The following CDH18 variants were observed in gnomAD, a reference collection of about 807,000 sequenced individuals.
CDH18 encodes the protein cadherin-18.
Under a neutral mutation model 67.9 loss-of-function variants are expected in CDH18, and 31 were observed. The observed-to-expected ratio is 0.46, with a 90% CI of 0.34 to 0.62. The LOEUF (loss-of-function observed/expected upper bound fraction) is 0.62. CDH18 is among the 20% of genes least tolerant of loss of function. The pLI, the probability that CDH18 is intolerant of heterozygous loss-of-function variation, is 0.01. For missense variants in CDH18, 890 were observed against 975.5 expected (o/e 0.91, Z 1.17); for synonymous variants, 362 against 347.2 (o/e 1.04, Z -0.48).
intron 3 of CDH18, among the ~76,000 whole-genome samples, chr5:19,792,697 G>A (rs1316906466): frequency 6.6e-6 from 1 of 152,038 alleles, no homozygotes; most frequent in East Asian, 1.9e-4. Context: ...AAAGCAATCT[G>A]ACCCACTAAT....
intron 7 of CDH18, among the ~76,000 whole-genome samples, chr5:19,587,500 TC>T (rs540126748): frequency 3.2e-4 from 48 of 152,174 alleles, no homozygotes; most frequent in South Asian, 4.1e-4. Flanking sequence ...GTTTCAATTT[TC>T]TGCATATGGT....
chr5:20,486,453 G>A (rs1753185298), intron 1 of CDH18, among the ~76,000 whole-genome samples: 1 of 151,758 alleles, frequency 6.6e-6, no homozygotes, highest in Non-Finnish European at 1.5e-5. Flanking sequence ...TTATTTCATA[G>A]GCATGTGTAG....
At chr5:19,639,986 G>C (rs961787074) in intron 5 of CDH18, among the ~76,000 whole-genome samples, 4 of 152,144 alleles carry the variant, frequency 2.6e-5, no homozygotes, top group Admixed American at 6.5e-5. Context: ...TACTGAAAGA[G>C]AAAATCTACC....
At chr5:19,579,080 C>A (rs62349547) in intron 7 of CDH18, among the ~76,000 whole-genome samples, 12,556 of 151,906 alleles carry the variant, frequency 0.083, 594 homozygotes, top group African/African-American at 0.13. Flanking sequence ...TTTATTAAAT[C>A]TATCAACCTC....
intron 8 of CDH18, among the ~76,000 whole-genome samples, chr5:19,556,937 C>A (rs1255363213): frequency 6.6e-6 from 1 of 152,160 alleles, no homozygotes; most frequent in Non-Finnish European, 1.5e-5. Flanking sequence ...TAACAGATTT[C>A]TCAGGAGAAA....
At chr5:20,293,612 A>G (rs1057122960) in intron 1 of CDH18, among the ~76,000 whole-genome samples, 2 of 152,224 alleles carry the variant, frequency 1.3e-5, no homozygotes, top group Non-Finnish European at 2.9e-5. Context: ...TCAAGAACAA[A>G]TAAGTAGAGA....
At chr5:20,200,619 T>C (rs1354523668) in intron 2 of CDH18, among the ~76,000 whole-genome samples, 1 of 152,008 alleles carries the variant, frequency 6.6e-6, no homozygotes, top group African/African-American at 2.4e-5. Flanking sequence ...GAGGCTGCAG[T>C]GAGCTGTGAT....
chr5:19,485,622 A>G, intron 11 of CDH18, among the ~76,000 whole-genome samples: 1 of 152,136 alleles, frequency 6.6e-6, no homozygotes, highest in Non-Finnish European at 1.5e-5. Flanking sequence ...CGTGTATTAT[A>G]TAATAATTTA....
intron 5 of CDH18, among the ~76,000 whole-genome samples, chr5:19,688,045 G>A (rs775743107): frequency 2.4e-4 from 37 of 152,176 alleles, no homozygotes; most frequent in Non-Finnish European, 4.0e-4. Flanking sequence ...GAGGGCCTGA[G>A]GATGGCCCTA....
chr5:20,244,318 T>C (rs1284419567), intron 2 of CDH18, among the ~76,000 whole-genome samples: 1 of 152,108 alleles, frequency 6.6e-6, no homozygotes, highest in Non-Finnish European at 1.5e-5. Context: ...TTTTGTTCTG[T>C]TCAAAAAACT....
In CDH18 at chr5:19,932,708, A is replaced by G. The variant is rs1381016768; in HGVS notation, c.-257+48352T>C. 6.6e-5 allele frequency among the ~76,000 whole-genome samples: 10 copies of G among 151,680 alleles called. 1 individual carries two copies. In the South Asian group the frequency reaches 2.1e-3, roughly 32 times the overall value. ...AGTCCAATGATCCTACTACCTTTTC[A>G]TAGTACTTAATATCCATCCTGTCTG... On this transcript the variant is annotated intron_variant, in intron 2 of 12. Coordinates refer to ENST00000382275, the MANE Select transcript of CDH18 (RefSeq NM_004934.5).
At chr5:19,576,822 G>A (rs1442065251) in intron 7 of CDH18, among the ~76,000 whole-genome samples, 1 of 151,896 alleles carries the variant, frequency 6.6e-6, no homozygotes, top group African/African-American at 2.4e-5. Context: ...CATTAGACAA[G>A]ATATGGAAAA....
At chr5:20,410,242 T>G (rs976860455) in intron 1 of CDH18, among the ~76,000 whole-genome samples, 2 of 151,690 alleles carry the variant, frequency 1.3e-5, no homozygotes, top group African/African-American at 4.8e-5. Context: ...TTCAACAAAG[T>G]GCTAGCAAAC....
At chr5:20,574,876 A>G (rs1759030435) in intron 1 of CDH18, among the ~76,000 whole-genome samples, 1 of 152,102 alleles carries the variant, frequency 6.6e-6, no homozygotes, top group Admixed American at 6.6e-5. Flanking sequence ...TACTTTCTTA[A>G]GCACAAATGC....
intron 1 of CDH18, among the ~76,000 whole-genome samples, chr5:20,325,533 C>T (rs1317662891): frequency 6.6e-5 from 10 of 152,112 alleles, no homozygotes; most frequent in Admixed American, 5.9e-4. Context: ...CCTATGACCG[C>T]ACCCTTCCGC....
chr5:19,930,546 A>T (rs73059684), intron 2 of CDH18, among the ~76,000 whole-genome samples: 325 of 152,176 alleles, frequency 2.1e-3, no homozygotes, highest in African/African-American at 7.5e-3. Context: ...AATCATATCA[A>T]TCAAGGAGGA....
At chr5:20,572,945 G>T (rs1758892650) in intron 1 of CDH18, among the ~76,000 whole-genome samples, 1 of 152,112 alleles carries the variant, frequency 6.6e-6, no homozygotes, top group Admixed American at 6.6e-5. Context: ...TTACATATGT[G>T]ACTCCTAGCA....
At chr5:19,508,754 G>T (rs1561227752) in intron 10 of CDH18, among the ~76,000 whole-genome samples, 1 of 151,980 alleles carries the variant, frequency 6.6e-6, no homozygotes, top group Non-Finnish European at 1.5e-5. Flanking sequence ...TTAGGGAAAA[G>T]TCAGTATCAC....
At chr5:19,596,601 T>C (rs1438907618) in intron 6 of CDH18, among the ~76,000 whole-genome samples, 1 of 152,168 alleles carries the variant, frequency 6.6e-6, no homozygotes, top group Non-Finnish European at 1.5e-5. Flanking sequence ...GATAGCGTTA[T>C]AAAGAAGGTT....
Sources: gnomAD v4.1 joint callset for allele counts (sites outside exome capture counted in the v4.1 genomes callset) on GRCh38, gnomAD v4.1.1 for gene constraint, MANE v1.5 for transcripts, NCBI Gene and HGNC (gene_info 2026-07-23, HGNC 2026-07-21) for gene names.